PLXNB2: variants seen among roughly 807,000 people sequenced by gnomAD.
The protein encoded by PLXNB2 is plexin-B2.
PLXNB2 carries 85 observed loss-of-function variants against 202.6 expected under a neutral mutation model. The ratio of observed to expected loss-of-function variants is 0.42; its 90% CI spans 0.35 to 0.50. The LOEUF is 0.50. Among genes scored for constraint, PLXNB2 ranks in the 20% least tolerant of loss-of-function variants. The probability of loss-of-function intolerance (pLI) is 0.02; values close to 1 mark genes in which losing one functional copy is unlikely to be tolerated. For missense variants in PLXNB2, 2,063 were observed against 2,586.2 expected, an observed-to-expected ratio of 0.80 and a Z score of 4.39; for synonymous variants, 1,239 against 1,137.6, an observed-to-expected ratio of 1.09 and a Z score of -1.79.
At position 50,277,867 on chromosome 22, in the gene PLXNB2, G is replaced by T. The variant is rs747463818; in HGVS notation, c.5034C>A (p.Ile1678=). 8 of 1,612,948 alleles carry T rather than the reference G, an allele frequency of 5.0e-6. No homozygotes were observed. The South Asian group carries it at 7.7e-5, about 15-fold the overall frequency. The part of the protein sequence containing the change: ...HNIQDEDTIH[I]WKTNSLPLRF... ...TGGAGCCTCACCTGTTCGTCTTCCA[G>T]ATGTGGATGGTGTCTTCATCCTGGA... The change falls in exon 32 of 37, where the codon ATC becomes ATA. Residue 1678 remains isoleucine (I), a synonymous_variant. Transcript: ENST00000359337.
chr22:50,299,432 C>T (rs2067520890), intron 1 of PLXNB2, among the ~76,000 whole-genome samples: 1 of 152,222 alleles, frequency 6.6e-6, no homozygotes, highest in African/African-American at 2.4e-5. Context: ...CACAGAAAAG[C>T]CACGGAGGCC....
chr22:50,282,978 G>A (rs2147404808), intron 17 of PLXNB2, 72 bp downstream of exon 17: 2 of 1,567,828 alleles, frequency 1.3e-6, no homozygotes, highest in East Asian at 2.3e-5. Context: ...GGCCACTCAG[G>A]TCTCAGTAAG....
chr22:50,302,165 C>T (rs1385338511), intron 1 of PLXNB2, among the ~76,000 whole-genome samples: 2 of 152,166 alleles, frequency 1.3e-5, no homozygotes, highest in African/African-American at 4.8e-5. Flanking sequence ...TGCGTCTGCC[C>T]AGGATGAGCT....
At chr22:50,305,021 C>T (rs377292703) in intron 1 of PLXNB2, among the ~76,000 whole-genome samples, 14 of 152,250 alleles carry the variant, frequency 9.2e-5, no homozygotes, top group African/African-American at 3.4e-4. Context: ...GAACTCCCAG[C>T]TCAGGGGAAG....
At chr22:50,300,776 G>T (rs943026708) in intron 1 of PLXNB2, among the ~76,000 whole-genome samples, 1 of 152,156 alleles carries the variant, frequency 6.6e-6, no homozygotes. Context: ...CCTGGCTGGT[G>T]GCAGTGATGG....
In PLXNB2 at chr22:50,276,910, T is replaced by C. The variant is rs201169000; in HGVS notation, c.5197-4A>G. 3.7e-4 allele frequency: 585 copies of C among 1,594,978 alleles called. No individual in the cohort carries two copies. Among genetic ancestry groups the C allele is most frequent in the Non-Finnish European group, 4.5e-4 (530 of 1,170,410 alleles). Reference sequence around the variant, plus strand: ...GCAGCTTGTTGCTGGGAGAATCCTGTTGGGGACAAAACCCAGTGATGCCTG... The same window carrying C: ...GCAGCTTGTTGCTGGGAGAATCCTGCTGGGGACAAAACCCAGTGATGCCTG... On this transcript the variant is annotated splice_polypyrimidine_tract_variant and splice_region_variant and intron_variant, in intron 33 of 36. Transcript: ENST00000359337.
chr22:50,305,131 C>A (rs560908570), intron 1 of PLXNB2, among the ~76,000 whole-genome samples: 2 of 152,366 alleles, frequency 1.3e-5, no homozygotes, highest in Admixed American at 6.5e-5. Flanking sequence ...AGCCAGTGCA[C>A]CCCTGCCCAC....
intron 1 of PLXNB2, among the ~76,000 whole-genome samples, chr22:50,299,668 TGG>T (rs2067541817): frequency 1.3e-5 from 2 of 151,808 alleles, no homozygotes; most frequent in Non-Finnish European, 2.9e-5. Context: ...GCCGCGCCCG[TGG>T]GTAGGCGCGG....
At chr22:50,303,858 C>T (rs1002210259) in intron 1 of PLXNB2, among the ~76,000 whole-genome samples, 2 of 152,222 alleles carry the variant, frequency 1.3e-5, no homozygotes, top group African/African-American at 4.8e-5. Context: ...AGGCCTGGGC[C>T]GGGACTCAGC....
At position 50,297,494 on chromosome 22, in the gene PLXNB2, C is replaced by T. The variant is rs2067366463; in HGVS notation, c.-73-2716G>A. ...ATGGATTTCCCCTCCCAGAGAATAACACCATGATCCCTCCACCCTCAGTCT... is the reference window on the plus strand; with the variant it reads ...ATGGATTTCCCCTCCCAGAGAATAATACCATGATCCCTCCACCCTCAGTCT... On this transcript the variant is annotated intron_variant, in intron 1 of 36. Transcript: ENST00000359337. The surrounding 1 kb of genome is among the most constrained non-coding windows in gnomAD (Gnocchi z 5.3). Among the ~76,000 whole-genome samples, 1 of 152,188 alleles carries T rather than the reference C, an allele frequency of 6.6e-6. No individual in the cohort carries two copies. Among genetic ancestry groups the T allele is most frequent in the Non-Finnish European group, 1.5e-5 (1 of 68,030 alleles).
At chr22:50,276,033 G>A (rs539166417) in intron 35 of PLXNB2, 70 bp from the exon 36 acceptor site, 317 of 1,447,282 alleles carry the variant, frequency 2.2e-4, no homozygotes, top group Non-Finnish European at 2.9e-4. Flanking sequence ...GGAGTAGTAC[G>A]GGACGCCCAG....
rs181198880 is a variant in PLXNB2, at chr22:50,297,146, G to A, written c.-73-2368C>T. 3.9e-5 allele frequency among the ~76,000 whole-genome samples: 6 copies of A among 152,294 alleles called. No homozygotes were observed. The East Asian group carries it at 9.7e-4, about 25-fold the overall frequency. ...GCGGGGACTGGAGACTGCAGCTCCC[G>A]ACGGAGGTGGCAGCCATGGCGGTGG... On this transcript the variant is annotated intron_variant, in intron 1 of 36. Coordinates refer to ENST00000359337, the MANE Select transcript of PLXNB2 (RefSeq NM_012401.4). The surrounding 1 kb of genome is among the most constrained non-coding windows in gnomAD (Gnocchi z 5.3).
At position 50,291,098 on chromosome 22, in the gene PLXNB2, A is replaced by C; in HGVS notation, c.-13-501T>G. Among the ~76,000 whole-genome samples, 1 of 152,298 alleles carries C rather than the reference A, an allele frequency of 6.6e-6. No homozygotes were observed. The highest frequency in any genetic ancestry group is 3.4e-3 in the Middle Eastern group (1 of 294). On this transcript the variant is annotated intron_variant, in intron 2 of 36. Transcript: ENST00000359337. The surrounding 1 kb of genome is among the most constrained non-coding windows in gnomAD (Gnocchi z 4.3). ...GAAGGACACGGGAAACCAGAGGCTC[A>C]GGTGAGAGCGAGGGGTGCCCTGTGC...
Position 50,289,558 on chromosome 22 carries a change from T to C in PLXNB2, c.1027A>G (p.Lys343Glu), listed in dbSNP as rs1169888392. Residue 343 changes from lysine (K) to glutamate (E), a missense_variant, in exon 3 of 37, where the codon AAG becomes GAG. Coordinates refer to ENST00000359337, the MANE Select transcript of PLXNB2 (RefSeq NM_012401.4). This position sits in a 1 kb window ranked among gnomAD's most constrained non-coding sequence, Gnocchi z 8.0. Reference protein sequence around the residue: ...GTREARDIFYKPFHGDIQCGG... With the variant: ...GTREARDIFYEPFHGDIQCGG... ...CACTGGATATCGCCGTGGAAGGGCTTGTAGAAGATGTCACGGGCCTCCCGG... is the reference window on the plus strand; with the variant it reads ...CACTGGATATCGCCGTGGAAGGGCTCGTAGAAGATGTCACGGGCCTCCCGG... 3.1e-6 allele frequency: 5 copies of C among 1,611,794 alleles called. No individual in the cohort carries two copies.
chr22:50,303,258 G>A (rs1459232463), intron 1 of PLXNB2, among the ~76,000 whole-genome samples: 1 of 152,210 alleles, frequency 6.6e-6, no homozygotes, highest in African/African-American at 2.4e-5. Flanking sequence ...TCCTACCACA[G>A]CCACCCACGC....
rs536523204 is a variant in PLXNB2, at chr22:50,281,445, C to T, written c.3577G>A (p.Val1193Met). Reference protein sequence around the residue: ...VLGRVEYDTRVSDVPLSLILP... With the variant: ...VLGRVEYDTRMSDVPLSLILP... The stretch of plus-strand genomic sequence containing the variant: ...ATGAGGCTGAGCGGCACGTCGCTCA[C>T]CCGTGTGTCGTACTCCACGCGGCCC... The change falls in exon 22 of 37, where the codon GTG becomes ATG. Residue 1193 changes from valine (V) to methionine (M), a missense_variant. By Grantham distance (21) the Val-to-Met change is conservative (BLOSUM62 1). Transcript: ENST00000359337. 1 of 1,612,324 alleles carries T rather than the reference C, an allele frequency of 6.2e-7. No homozygotes were observed. The highest frequency in any genetic ancestry group is 2.2e-5 in the East Asian group (1 of 44,862).
chr22:50,303,561 C>T (rs1172683013), intron 1 of PLXNB2, among the ~76,000 whole-genome samples: 3 of 152,256 alleles, frequency 2.0e-5, no homozygotes, highest in Non-Finnish European at 4.4e-5. Flanking sequence ...TGCCTGGCCC[C>T]TCAGGGGGCC....
chr22:50,280,435 A>G, intron 25 of PLXNB2, 54 bp downstream of exon 25: 1 of 1,514,202 alleles, frequency 6.6e-7, no homozygotes, highest in Non-Finnish European at 8.9e-7. Context: ...CCAGCCCCAG[A>G]GCCCCTGCGG....
intron 35 of PLXNB2, among the ~76,000 whole-genome samples, chr22:50,276,361 C>G (rs1350835577): frequency 3.4e-5 from 5 of 145,128 alleles, no homozygotes; most frequent in African/African-American, 7.6e-5. Flanking sequence ...AGGGTGCAGC[C>G]GCAGGGAGGG....
Sources: gnomAD v4.1 joint callset for allele counts (sites outside exome capture counted in the v4.1 genomes callset) on GRCh38, gnomAD v4.1.1 for gene constraint, Gnocchi (gnomAD v3.1) non-coding constraint, MANE v1.5 for transcripts, NCBI Gene and HGNC (gene_info 2026-07-23, HGNC 2026-07-21) for gene names.